CLSTN2: variants seen among roughly 807,000 people sequenced by gnomAD.
The protein encoded by CLSTN2 is calsyntenin-2.
A neutral mutation model predicts 101.2 loss-of-function variants in CLSTN2; 48 were observed. The ratio of observed to expected loss-of-function variants is 0.47; its 90% CI spans 0.38 to 0.60. CLSTN2 has a LOEUF of 0.60. Ranked by LOEUF, CLSTN2 falls within the 20% of genes least tolerant of loss-of-function variation. CLSTN2 has a pLI of 0.00. For synonymous variants in CLSTN2, 481 were observed against 463.6 expected, an observed-to-expected ratio of 1.04 and a Z score of -0.48; for missense variants, 1,160 against 1,238.2, an observed-to-expected ratio of 0.94 and a Z score of 0.95.
chr3:140,487,085 C>G (rs1239501050), intron 8 of CLSTN2, among the ~76,000 whole-genome samples: 1 of 152,166 alleles, frequency 6.6e-6, no homozygotes, highest in African/African-American at 2.4e-5. Flanking sequence ...CAGGTGCCTT[C>G]TTTCCCTTTA....
intron 2 of CLSTN2, among the ~76,000 whole-genome samples, chr3:140,288,254 AAGT>A (rs894853483): frequency 1.7e-4 from 26 of 152,186 alleles, no homozygotes; most frequent in Admixed American, 7.2e-4. Context: ...TTATGAAAGA[AAGT>A]AGGGTGGGAA....
intron 2 of CLSTN2, among the ~76,000 whole-genome samples, chr3:140,360,661 C>T (rs924904524): frequency 2.0e-5 from 3 of 152,132 alleles, no homozygotes; most frequent in Admixed American, 1.3e-4. Flanking sequence ...TCCAAAACAA[C>T]CATCTCAGGA....
intron 1 of CLSTN2, among the ~76,000 whole-genome samples, chr3:140,047,939 C>T (rs557917902): frequency 2.0e-5 from 3 of 152,250 alleles, no homozygotes; most frequent in East Asian, 3.9e-4. Flanking sequence ...CATAGCAATA[C>T]GTTAACGCTA....
chr3:140,563,323 C>A (rs1935955914), intron 15 of CLSTN2, 120 bp downstream of exon 15: 6 of 1,130,266 alleles, frequency 5.3e-6, no homozygotes, highest in Non-Finnish European at 7.5e-6. Context: ...GGGAGGGAAC[C>A]CAGCAATGGA....
At chr3:140,402,974 C>T (rs1216170525) in intron 2 of CLSTN2, among the ~76,000 whole-genome samples, 1 of 152,060 alleles carries the variant, frequency 6.6e-6, no homozygotes, top group Non-Finnish European at 1.5e-5. Flanking sequence ...TTCAGCACTT[C>T]CCAAGACATT....
At chr3:140,276,363 C>G (rs574231325) in intron 2 of CLSTN2, among the ~76,000 whole-genome samples, 1 of 152,278 alleles carries the variant, frequency 6.6e-6, no homozygotes, top group South Asian at 2.1e-4. Flanking sequence ...TTTCCATACC[C>G]TCTTGGCTCA....
intron 2 of CLSTN2, among the ~76,000 whole-genome samples, chr3:140,295,721 C>G (rs1381330191): frequency 6.6e-6 from 1 of 152,016 alleles, no homozygotes; most frequent in Non-Finnish European, 1.5e-5. Context: ...ATAATAAACA[C>G]CAAACTCAGG....
chr3:139,960,076 TG>T (rs1935480687), intron 1 of CLSTN2, among the ~76,000 whole-genome samples: 1 of 152,220 alleles, frequency 6.6e-6, no homozygotes, highest in East Asian at 1.9e-4. Flanking sequence ...TTATTCGTGG[TG>T]TGTGTAAATG....
At chr3:140,383,710 C>T (rs1234117144) in intron 2 of CLSTN2, among the ~76,000 whole-genome samples, 2 of 152,196 alleles carry the variant, frequency 1.3e-5, no homozygotes, top group Non-Finnish European at 2.9e-5. Context: ...TCTCTTCCCA[C>T]TTCTAGGCAG....
chr3:140,560,446 C>T (rs1300404937), intron 12 of CLSTN2, among the ~76,000 whole-genome samples: 5 of 152,236 alleles, frequency 3.3e-5, no homozygotes, highest in Admixed American at 2.0e-4. Context: ...TGATTCCTGG[C>T]AAATATCCCT....
intron 1 of CLSTN2, among the ~76,000 whole-genome samples, chr3:140,085,634 C>G (rs142038586): frequency 3.3e-5 from 5 of 152,054 alleles, no homozygotes; most frequent in African/African-American, 1.2e-4. Flanking sequence ...GGTGAGACTC[C>G]GGTGTCATTT....
rs139382905 is a variant in CLSTN2, at chr3:140,206,244, G to A, written c.232+30171G>A. 5.5e-4 allele frequency among the ~76,000 whole-genome samples: 83 copies of A among 152,276 alleles called. 1 individual carries two copies. The East Asian group carries it at 0.015, about 27-fold the overall frequency. On this transcript the variant is annotated intron_variant, in intron 2 of 16. Coordinates refer to ENST00000458420, the MANE Select transcript of CLSTN2 (RefSeq NM_022131.3). ...AGAGAGGCAGGATGCAGCCCAGAGGGAGAGCTTCTCCTTCTCCAGAGTGCA... is the reference window on the plus strand; with the variant it reads ...AGAGAGGCAGGATGCAGCCCAGAGGAAGAGCTTCTCCTTCTCCAGAGTGCA...
At chr3:140,275,927 C>A (rs1253669741) in intron 2 of CLSTN2, among the ~76,000 whole-genome samples, 1 of 152,008 alleles carries the variant, frequency 6.6e-6, no homozygotes, top group East Asian at 1.9e-4. Context: ...GGAGTTAGAC[C>A]AAGGGAGGAT....
At chr3:139,995,742 G>A (rs970407571) in intron 1 of CLSTN2, among the ~76,000 whole-genome samples, 9 of 152,048 alleles carry the variant, frequency 5.9e-5, no homozygotes, top group Non-Finnish European at 1.0e-4. Flanking sequence ...CTGTGCTCAG[G>A]GGTAAAGGGG....
intron 2 of CLSTN2, among the ~76,000 whole-genome samples, chr3:140,369,063 G>A (rs2087823546): frequency 6.6e-6 from 1 of 152,064 alleles, no homozygotes; most frequent in Non-Finnish European, 1.5e-5. Context: ...GCTCTTTTAG[G>A]ATGAGACTTG....
intron 1 of CLSTN2, among the ~76,000 whole-genome samples, chr3:140,031,811 G>C (rs1238407729): frequency 6.6e-6 from 1 of 152,202 alleles, no homozygotes; most frequent in Non-Finnish European, 1.5e-5. Flanking sequence ...ATCTGTCAAA[G>C]TCATATGGTT....
At chr3:140,373,338 A>G (rs1326115170) in intron 2 of CLSTN2, among the ~76,000 whole-genome samples, 1 of 152,204 alleles carries the variant, frequency 6.6e-6, no homozygotes, top group African/African-American at 2.4e-5. Context: ...CATTAGAGAA[A>G]GATGGCCTCT....
At chr3:139,997,697 CTTTCAAATACACATTTCAAATGTACAT>C (rs1175306770) in intron 1 of CLSTN2, among the ~76,000 whole-genome samples, 15 of 152,226 alleles carry the variant, frequency 9.9e-5, no homozygotes, top group Admixed American at 5.9e-4. Context: ...GGTCTATTTT[CTTTCAAATACACATTTCAAATGTACAT>C]TTTCAAATAT....
chr3:140,419,344 G>A (rs1038930652), intron 4 of CLSTN2, among the ~76,000 whole-genome samples: 13 of 148,994 alleles, frequency 8.7e-5, no homozygotes, highest in Non-Finnish European at 1.3e-4. Flanking sequence ...TTAGCCAGGC[G>A]TGGTGGCATA....
Sources: allele counts gnomAD v4.1 joint callset (sites outside exome capture counted in the v4.1 genomes callset), GRCh38; gene constraint gnomAD v4.1.1; transcripts MANE v1.5; gene names NCBI Gene and HGNC (gene_info 2026-07-23, HGNC 2026-07-21).